DOCK11: variants seen among roughly 807,000 people sequenced by gnomAD.
DOCK11 encodes the protein dedicator of cytokinesis protein 11.
Under a neutral mutation model 169.1 loss-of-function variants are expected in DOCK11, and 70 were observed. That is an observed-to-expected ratio of 0.41 (90% CI 0.34 to 0.51). The LOEUF (loss-of-function observed/expected upper bound fraction) is 0.51, where lower values mean the gene tolerates loss of function less well. Ranked by LOEUF, DOCK11 falls within the 20% of genes least tolerant of loss-of-function variation. The pLI is 0.10. For synonymous variants in DOCK11, 529 were observed against 541.3 expected, an observed-to-expected ratio of 0.98 and a Z score of 0.32; for missense variants, 1,166 against 1,538.8, an observed-to-expected ratio of 0.76 and a Z score of 4.05.
In DOCK11 at chrX:118,516,004, A is replaced by ACTATATATATAT. The variant is rs1436837389; in HGVS notation, c.102+19931_102+19932insCTATATATATAT. 2.3e-3 allele frequency among the ~76,000 whole-genome samples: 105 copies of ACTATATATATAT among 44,935 alleles called. 13 individuals are homozygous for ACTATATATATAT. The highest frequency in any genetic ancestry group is 9.1e-3 in the African/African-American group (78 of 8,525). 39.0% of individuals were successfully genotyped at this position (44,935 alleles called of 115,157 possible). A position where few individuals can be genotyped will look rare whatever the true frequency, so the allele number is the denominator to read the frequency against. On this transcript the variant is annotated intron_variant, in intron 1 of 52. Coordinates refer to ENST00000276202, the MANE Select transcript of DOCK11 (RefSeq NM_144658.4). The stretch of plus-strand genomic sequence containing the variant: ...ATGTTCAAAAGTAAGGATTTGGGCA[A>ACTATATATATAT]ATATATATATATATACATTCTTACA...
chrX:118,638,826 A>G (rs2015454693), intron 37 of DOCK11, among the ~76,000 whole-genome samples: 1 of 111,898 alleles, frequency 8.9e-6, no homozygotes, highest in Non-Finnish European at 1.9e-5. Flanking sequence ...GGCCATTGTT[A>G]CCATGAACCT....
chrX:118,638,240 C>T (rs1409333867), intron 37 of DOCK11, 113 bp downstream of exon 37: 16 of 662,484 alleles, frequency 2.4e-5, no homozygotes, highest in East Asian at 6.8e-5. Context: ...ATTGGGATAC[C>T]GGTGATTTAG....
At chrX:118,639,774 G>T (rs1273439273) in intron 38 of DOCK11, among the ~76,000 whole-genome samples, 197 bp downstream of exon 38, 2 of 111,753 alleles carry the variant, frequency 1.8e-5, no homozygotes, top group Admixed American at 1.9e-4. Flanking sequence ...GATGGGAAAT[G>T]ATTTCCCATA....
Position 118,672,725 on chromosome X carries a change from G to A in DOCK11, c.5199+1580G>A, listed in dbSNP as rs187732804. ...GCTGGGATTACAGGCGTGAGCCACC[G>A]TGCCCGGCCTGGCCATGTATTCTTA... On this transcript the variant is annotated intron_variant, in intron 46 of 52. Transcript: ENST00000276202. Among the ~76,000 whole-genome samples the A allele has an allele frequency of 4.2e-4, 48 of 113,269 alleles. 1 individual carries two copies. The highest frequency in any genetic ancestry group is 7.4e-4 in the African/African-American group (23 of 31,284).
intron 1 of DOCK11, among the ~76,000 whole-genome samples, chrX:118,512,638 A>G (rs1046171925): frequency 9.8e-5 from 11 of 112,113 alleles, no homozygotes; most frequent in Non-Finnish European, 1.5e-4. Context: ...TCCAACTTCA[A>G]TGGAGGTCAG....
At chrX:118,503,974 AG>A (rs1439774321) in intron 1 of DOCK11, among the ~76,000 whole-genome samples, 2 of 110,858 alleles carry the variant, frequency 1.8e-5, no homozygotes, top group African/African-American at 3.3e-5. Context: ...CCTGAGGAGC[AG>A]GGGGTCAGTG....
chrX:118,499,646 T>C (rs895504707), intron 1 of DOCK11, among the ~76,000 whole-genome samples: 4 of 112,002 alleles, frequency 3.6e-5, no homozygotes, highest in African/African-American at 9.8e-5. Context: ...GTAGGTAATA[T>C]AGGACAAAAC....
chrX:118,553,919 A>C (rs1569414947), intron 6 of DOCK11, among the ~76,000 whole-genome samples: 1 of 111,864 alleles, frequency 8.9e-6, no homozygotes, highest in Non-Finnish European at 1.9e-5. Flanking sequence ...CATTCATATT[A>C]CTTCTCAAAA....
intron 5 of DOCK11, among the ~76,000 whole-genome samples, chrX:118,545,653 G>A (rs2012244122): frequency 9.0e-6 from 1 of 111,466 alleles, no homozygotes; most frequent in South Asian, 3.8e-4. Context: ...GGACATGCTT[G>A]TGGAGTTGCT....
chrX:118,532,961 TTTTA>T (rs1232955755), intron 1 of DOCK11, among the ~76,000 whole-genome samples: 6 of 111,121 alleles, frequency 5.4e-5, no homozygotes, highest in Non-Finnish European at 9.4e-5. Context: ...TTTACATAGC[TTTTA>T]TTTATTTATT....
chrX:118,550,193 G>C (rs150848916), intron 6 of DOCK11, among the ~76,000 whole-genome samples: 107 of 111,732 alleles, frequency 9.6e-4, no homozygotes, highest in African/African-American at 3.3e-3. Flanking sequence ...AATCCCAGCA[G>C]TTTGGGAAGC....
chrX:118,502,612 C>T (rs2057582596), intron 1 of DOCK11, among the ~76,000 whole-genome samples: 1 of 111,735 alleles, frequency 8.9e-6, no homozygotes, highest in African/African-American at 3.3e-5. Flanking sequence ...TGAACAGACG[C>T]AAGTAACCTG....
chrX:118,657,734 GGAA>G (rs2016110845), intron 44 of DOCK11, among the ~76,000 whole-genome samples: 1 of 111,486 alleles, frequency 9.0e-6, no homozygotes, highest in African/African-American at 3.3e-5. Flanking sequence ...AACTAACTCA[GGAA>G]TGGAAACCAA....
At position 118,610,288 on chromosome X, in the gene DOCK11, G is replaced by A; in HGVS notation, c.2966G>A (p.Arg989Lys). The change falls in exon 28 of 53, where the codon AGA (arginine) becomes AAA (lysine). Residue 989 changes from arginine (R) to lysine (K), a missense_variant. Transcript: ENST00000276202. ...ENKIKLPRGQ[R>K]FPETYHHVLH... ...TCATTTCAGCTTCCCCGAGGCCAGA[G>A]ATTTCCCGAGACATATCATCATGTC... 1 of 1,211,422 alleles carries A rather than the reference G, an allele frequency of 8.3e-7. No individual in the cohort carries two copies. The highest frequency in any genetic ancestry group is 3.0e-5 in the East Asian group (1 of 33,861).
intron 1 of DOCK11, among the ~76,000 whole-genome samples, chrX:118,514,440 G>C (rs2057669816): frequency 1.8e-5 from 2 of 111,125 alleles, no homozygotes; most frequent in Admixed American, 1.9e-4. Flanking sequence ...GAAATATCTA[G>C]AAACTGTACC....
In DOCK11 at chrX:118,589,683, C is replaced by T. The variant is rs759099551; in HGVS notation, c.2047-527C>T. Among the ~76,000 whole-genome samples the T allele has an allele frequency of 1.1e-4, 12 of 112,125 alleles. No individual in the cohort carries two copies. In the South Asian group the frequency reaches 4.4e-3, roughly 42 times the overall value. On this transcript the variant is annotated intron_variant, in intron 18 of 52. Coordinates refer to ENST00000276202, the MANE Select transcript of DOCK11 (RefSeq NM_144658.4). Reference sequence around the variant, plus strand: ...TTAAAATGTGGCTCATAAAGTGCCACATTTAAAAATGTGAGAGAACAGCAA... The same window carrying T: ...TTAAAATGTGGCTCATAAAGTGCCATATTTAAAAATGTGAGAGAACAGCAA...
At position 118,636,343 on chromosome X, in the gene DOCK11, C is replaced by T; in HGVS notation, c.3887-3C>T. On this transcript the variant is annotated splice_polypyrimidine_tract_variant and splice_region_variant and intron_variant, in intron 35 of 52. Transcript: ENST00000276202. ...TCTAACACTTTATTTATTCCATTTTCAGATACTCTCTTAACTTACTGGAAT... is the reference window on the plus strand; with the variant it reads ...TCTAACACTTTATTTATTCCATTTTTAGATACTCTCTTAACTTACTGGAAT... 1 of 1,082,029 alleles carries T rather than the reference C, an allele frequency of 9.2e-7. No individual in the cohort carries two copies. The highest frequency in any genetic ancestry group is 1.2e-6 in the Non-Finnish European group (1 of 801,918). The allele number at this position is 1,082,029 out of a possible 1,213,427, so 89.2% of individuals were successfully genotyped here. A position where few individuals can be genotyped will look rare whatever the true frequency, so the allele number is the denominator to read the frequency against.
At chrX:118,534,593 T>C (rs1055310244) in intron 1 of DOCK11, among the ~76,000 whole-genome samples, 1 of 112,465 alleles carries the variant, frequency 8.9e-6, no homozygotes, top group African/African-American at 3.2e-5. Flanking sequence ...AATCATATTG[T>C]GCTGATTCTT....
At chrX:118,664,790 A>G (rs771319483) in intron 45 of DOCK11, among the ~76,000 whole-genome samples, 3 of 111,989 alleles carry the variant, frequency 2.7e-5, no homozygotes, top group Non-Finnish European at 5.6e-5. Context: ...CGGAGAATCA[A>G]GGACTGAACC....
Sources: gnomAD v4.1 joint callset for allele counts (sites outside exome capture counted in the v4.1 genomes callset) on GRCh38, gnomAD v4.1.1 for gene constraint, MANE v1.5 for transcripts, NCBI Gene and HGNC (gene_info 2026-07-23, HGNC 2026-07-21) for gene names.